The following MNS1 variants were observed in gnomAD, a reference collection of about 807,000 sequenced individuals.
The protein encoded by MNS1 is meiosis specific nuclear structural 1.
MNS1 carries 63 observed loss-of-function variants against 72.0 expected under a neutral mutation model. The observed-to-expected ratio is 0.87, with a 90% confidence interval of 0.71 to 1.08. MNS1 has a LOEUF of 1.08. MNS1 is among the 50% of genes least tolerant of loss of function. MNS1 has a pLI of 0.00. For synonymous variants in MNS1, 188 were observed against 172.1 expected (o/e 1.09, Z -0.72); for missense variants, 604 against 562.4 (o/e 1.07, Z -0.75).
intron 7 of MNS1, among the ~76,000 whole-genome samples, chr15:56,440,021 G>C (rs1271097770): frequency 1.3e-5 from 2 of 151,940 alleles, no homozygotes; most frequent in Non-Finnish European, 2.9e-5. Flanking sequence ...ACCTGACAAA[G>C]GACTAGTATC....
chr15:56,434,903 A>G lies in MNS1; in HGVS notation c.1012-508T>C, dbSNP rs920017398. Among the ~76,000 whole-genome samples the G allele has an allele frequency of 3.3e-5, 5 of 152,138 alleles. 1 individual carries two copies. The East Asian group carries it at 5.8e-4, about 18-fold the overall frequency. ...AAAATTTAAAAACAATTATCTAGCAATGACAATCAGTACTTCTTTAGGGAA... is the reference window on the plus strand; with the variant it reads ...AAAATTTAAAAACAATTATCTAGCAGTGACAATCAGTACTTCTTTAGGGAA... On this transcript the variant is annotated intron_variant, in intron 7 of 9. Transcript: ENST00000260453.
At position 56,429,021 on chromosome 15, in the gene MNS1, A is replaced by G. The variant is rs980664332; in HGVS notation, c.*80T>C. On this transcript the variant is annotated 3_prime_UTR_variant, in exon 10 of 10. Transcript: ENST00000260453. The stretch of plus-strand genomic sequence containing the variant: ...AAACAGACAATGGATACCTAATGCC[A>G]CTGAACTGTAAAACAAAAGTTATGC... 4.0e-5 allele frequency: 32 copies of G among 798,698 alleles called. No homozygotes were observed. The highest frequency in any genetic ancestry group is 5.9e-5 in the Non-Finnish European group (30 of 509,674). 49.5% of individuals were successfully genotyped at this position (798,698 alleles called of 1,614,324 possible). A position where few individuals can be genotyped will look rare whatever the true frequency, so the allele number is the denominator to read the frequency against.
At chr15:56,447,396 A>G (rs528563479) in intron 3 of MNS1, 1 of 153,802 alleles carries the variant, frequency 6.5e-6, no homozygotes, top group East Asian at 1.9e-4. Flanking sequence ...GAAAGTACTA[A>G]TATCTTTACA....
intron 9 of MNS1, among the ~76,000 whole-genome samples, chr15:56,430,607 A>G (rs1176596379): frequency 1.3e-5 from 2 of 152,228 alleles, no homozygotes; most frequent in Non-Finnish European, 2.9e-5. Context: ...ATAACTTCCT[A>G]CTGTAGAGCA....
chr15:56,454,858 C>A (rs1249203675), intron 3 of MNS1, among the ~76,000 whole-genome samples: 1 of 152,130 alleles, frequency 6.6e-6, no homozygotes, highest in South Asian at 2.1e-4. Context: ...AACCTTTTCA[C>A]AGATTATCCC....
At chr15:56,434,479 T>C (rs1269889891) in intron 7 of MNS1, 84 bp from the exon 8 acceptor site, 1 of 1,365,672 alleles carries the variant, frequency 7.3e-7, no homozygotes, top group Non-Finnish European at 9.9e-7. Context: ...TTTGGTTAAA[T>C]TTAGTATTAC....
At chr15:56,462,346 G>T (rs1218330469) in intron 2 of MNS1, among the ~76,000 whole-genome samples, 1 of 152,152 alleles carries the variant, frequency 6.6e-6, no homozygotes, top group Non-Finnish European at 1.5e-5. Flanking sequence ...TAAACCCACT[G>T]ATCAATACTG....
At chr15:56,458,136 C>T (rs2050992731) in intron 2 of MNS1, among the ~76,000 whole-genome samples, 1 of 152,048 alleles carries the variant, frequency 6.6e-6, no homozygotes, top group Non-Finnish European at 1.5e-5. Flanking sequence ...AGTTTGATGC[C>T]ATTTATGTAA....
intron 8 of MNS1, 135 bp from the exon 9 acceptor site, chr15:56,431,633 T>A: frequency 1.6e-6 from 1 of 608,968 alleles, no homozygotes; most frequent in Non-Finnish European, 2.5e-6. Flanking sequence ...AGATTCTAGA[T>A]AATATATATT....
At chr15:56,456,361 CTAAA>C (rs772441597) in intron 3 of MNS1, 29 bp downstream of exon 3, 2 of 1,581,418 alleles carry the variant, frequency 1.3e-6, no homozygotes, top group Admixed American at 3.9e-5. Flanking sequence ...AAGATAAAGA[CTAAA>C]TAAATGAAAT....
intron 3 of MNS1, among the ~76,000 whole-genome samples, chr15:56,449,473 C>T (rs568894284): frequency 1.3e-5 from 2 of 152,268 alleles, no homozygotes; most frequent in South Asian, 4.1e-4. Flanking sequence ...GATGATTTAT[C>T]TTTCTTATAC....
chr15:56,443,957 C>G (rs1690275141), intron 5 of MNS1, 103 bp from the exon 6 acceptor site: 2 of 880,196 alleles, frequency 2.3e-6, no homozygotes, highest in Non-Finnish European at 3.3e-6. Context: ...ATAGTTTTTT[C>G]ATTCGTGCAT....
In MNS1 at chr15:56,464,238, T is replaced by C; in HGVS notation, c.13A>G (p.Arg5Gly). MGSK[R>G]RNLSCSERHQ... Reference sequence around the variant, plus strand: ...CTTTCACTACAGCTCAAATTTCTCCTTTTGGAACCCTACGATGGAAGAAAA... The same window carrying C: ...CTTTCACTACAGCTCAAATTTCTCCCTTTGGAACCCTACGATGGAAGAAAA... Residue 5 changes from arginine to glycine, a missense_variant, in exon 2 of 10, where the codon AGG becomes GGG. Coordinates refer to ENST00000260453, the MANE Select transcript of MNS1 (RefSeq NM_018365.4). 1 of 1,599,768 alleles carries C rather than the reference T, an allele frequency of 6.3e-7. No individual in the cohort carries two copies. The highest frequency in any genetic ancestry group is 1.1e-5 in the South Asian group (1 of 87,724).
chr15:56,461,968 TG>T (rs1289056544), intron 2 of MNS1, among the ~76,000 whole-genome samples: 35 of 26,996 alleles, frequency 1.3e-3, no homozygotes, highest in African/African-American at 3.8e-3. Flanking sequence ...AGTGTTTTTT[TG>T]TTGTTGTTTT....
Position 56,434,305 on chromosome 15 carries a change from C to T in MNS1, c.1102G>A (p.Ala368Thr). ...MALKELVLQAAKEEEENFRKT... is the reference protein window; with the variant it reads ...MALKELVLQATKEEEENFRKT... ...CTAAAGTTCTCCTCTTCCTCTTTTGCAGCCTGTAGCACTAATTCCTTCAAG... is the reference window on the plus strand; with the variant it reads ...CTAAAGTTCTCCTCTTCCTCTTTTGTAGCCTGTAGCACTAATTCCTTCAAG... The change falls in exon 8 of 10, where the codon GCA (alanine) becomes ACA (threonine). Residue 368 changes from alanine (A) to threonine (T), a missense_variant. Physicochemically the swap from Ala to Thr is moderately conservative, Grantham distance 58. Coordinates refer to ENST00000260453, the MANE Select transcript of MNS1 (RefSeq NM_018365.4). The T allele has an allele frequency of 6.2e-7, 1 of 1,613,866 alleles. No individual in the cohort carries two copies. The highest frequency in any genetic ancestry group is 8.5e-7 in the Non-Finnish European group (1 of 1,179,898).
chr15:56,452,710 C>T (rs1231856191), intron 3 of MNS1, among the ~76,000 whole-genome samples: 5 of 151,548 alleles, frequency 3.3e-5, no homozygotes, highest in Non-Finnish European at 5.9e-5. Context: ...AGTAGAGACG[C>T]GGTTTCACCG....
rs114450565 is a variant in MNS1, at chr15:56,459,757, G to A, written c.226-3236C>T. On this transcript the variant is annotated intron_variant, in intron 2 of 9. Coordinates refer to ENST00000260453, the MANE Select transcript of MNS1 (RefSeq NM_018365.4). Reference sequence around the variant, plus strand: ...CACTTTGGGAGCACTTTGGGAGGCCGAAGAGGACAGATCATCTTAGGTTGG... The same window carrying A: ...CACTTTGGGAGCACTTTGGGAGGCCAAAGAGGACAGATCATCTTAGGTTGG... Among the ~76,000 whole-genome samples the A allele has an allele frequency of 7.8e-3, 1,174 of 151,458 alleles. 13 individuals carry two copies. The highest frequency in any genetic ancestry group is 0.027 in the African/African-American group (1,096 of 41,222).
intron 8 of MNS1, among the ~76,000 whole-genome samples, chr15:56,432,664 TTAGTCTGATTTC>T (rs1362667336): frequency 6.6e-6 from 1 of 152,214 alleles, no homozygotes; most frequent in East Asian, 1.9e-4. Flanking sequence ...CATTTAGTTT[TTAGTCTGATTTC>T]TAGTTAGTTG....
At chr15:56,453,654 A>C (rs1157250893) in intron 3 of MNS1, among the ~76,000 whole-genome samples, 1 of 152,188 alleles carries the variant, frequency 6.6e-6, no homozygotes, top group Non-Finnish European at 1.5e-5. Context: ...AATTAATTAT[A>C]ACTACTAATT....
Sources: gnomAD v4.1 joint callset for allele counts (sites outside exome capture counted in the v4.1 genomes callset) on GRCh38, gnomAD v4.1.1 for gene constraint, MANE v1.5 for transcripts, NCBI Gene and HGNC (gene_info 2026-07-23, HGNC 2026-07-21) for gene names.